Variants in NR5A2 observed in about 807,000 individuals in gnomAD.
NR5A2 encodes nuclear receptor subfamily 5 group A member 2, also known as CYP7A promoter-binding factor.
NR5A2 carries 26 observed loss-of-function variants against 62.7 expected under a neutral mutation model. That is an observed-to-expected ratio of 0.41 (90% CI 0.30 to 0.58). The LOEUF is 0.58. Among genes scored for constraint, NR5A2 ranks in the 20% least tolerant of loss-of-function variants. The pLI is 0.22. For missense variants in NR5A2, 541 were observed against 669.1 expected (o/e 0.81, Z 2.11); for synonymous variants, 246 against 241.7 (o/e 1.02, Z -0.16).
intron 5 of NR5A2, among the ~76,000 whole-genome samples, chr1:200,056,537 TAG>T (rs1345873027): frequency 6.6e-6 from 1 of 152,232 alleles, no homozygotes; most frequent in Non-Finnish European, 1.5e-5. Flanking sequence ...TTTTTGTCCT[TAG>T]AGTTTTTTTT....
At chr1:200,041,214 A>G (rs1156893958) in intron 2 of NR5A2, among the ~76,000 whole-genome samples, 4 of 150,926 alleles carry the variant, frequency 2.7e-5, no homozygotes, top group African/African-American at 9.9e-5. Context: ...GCGAGAAGCC[A>G]AAGACTTATT....
intron 7 of NR5A2, among the ~76,000 whole-genome samples, chr1:200,168,238 G>GTTTTGTTTGTT: frequency 6.7e-6 from 1 of 148,676 alleles, no homozygotes. Flanking sequence ...AAGAGACAGG[G>GTTTTGTTTGTT]TCTCACTCTG....
At chr1:200,164,348 T>A (rs755266071) in intron 7 of NR5A2, among the ~76,000 whole-genome samples, 35 of 152,200 alleles carry the variant, frequency 2.3e-4, no homozygotes, top group Non-Finnish European at 4.7e-4. Context: ...GCATCAGGAA[T>A]TCGTTCTTGG....
intron 5 of NR5A2, among the ~76,000 whole-genome samples, chr1:200,101,642 C>A (rs1373982434): frequency 6.6e-6 from 1 of 152,128 alleles, no homozygotes; most frequent in Non-Finnish European, 1.5e-5. Context: ...ATTCCATAAG[C>A]CACTTTCAAA....
intron 5 of NR5A2, among the ~76,000 whole-genome samples, chr1:200,065,194 T>G (rs1189003310): frequency 6.6e-6 from 1 of 152,188 alleles, no homozygotes; most frequent in African/African-American, 2.4e-5. Context: ...TCACACAGGC[T>G]GGAGTGCAGT....
At chr1:200,040,267 T>A (rs2102146987) in intron 2 of NR5A2, among the ~76,000 whole-genome samples, 1 of 152,224 alleles carries the variant, frequency 6.6e-6, no homozygotes, top group South Asian at 2.1e-4. Flanking sequence ...CTTAGCGCTA[T>A]TAGAATACAT....
chr1:200,091,758 C>T (rs1313772524), intron 5 of NR5A2, among the ~76,000 whole-genome samples: 2 of 152,192 alleles, frequency 1.3e-5, no homozygotes, highest in East Asian at 1.9e-4. Flanking sequence ...GCTGGGATTA[C>T]AGGCGTGAGC....
At chr1:200,172,081 T>A (rs1468265639) in intron 7 of NR5A2, among the ~76,000 whole-genome samples, 1 of 152,224 alleles carries the variant, frequency 6.6e-6, no homozygotes, top group Non-Finnish European at 1.5e-5. Flanking sequence ...TAGCTTTGCT[T>A]GCTGGTGAGA....
At chr1:200,082,213 T>C (rs1467439419) in intron 5 of NR5A2, among the ~76,000 whole-genome samples, 2 of 152,198 alleles carry the variant, frequency 1.3e-5, no homozygotes, top group East Asian at 3.8e-4. Context: ...TTTTCATTAC[T>C]CTAGAAAAAA....
At chr1:200,119,077 A>G (rs1160275419) in intron 6 of NR5A2, among the ~76,000 whole-genome samples, 3 of 152,242 alleles carry the variant, frequency 2.0e-5, no homozygotes, top group African/African-American at 7.2e-5. Flanking sequence ...TTGACTCTAT[A>G]TAAACTGATT....
chr1:200,070,748 C>A lies in NR5A2; in HGVS notation c.1110+21930C>A, dbSNP rs540493720. 2.4e-4 allele frequency among the ~76,000 whole-genome samples: 36 copies of A among 150,666 alleles called. No homozygotes were observed. The South Asian group carries it at 3.2e-3, about 13-fold the overall frequency. On this transcript the variant is annotated intron_variant, in intron 5 of 7. Transcript: ENST00000367362. ...TAATCAAAAATCTGTTCCAACCCCC[C>A]AGCCCCATCCCCCCCACCAAATATA...
intron 7 of NR5A2, among the ~76,000 whole-genome samples, chr1:200,168,017 C>G (rs1653986843): frequency 6.6e-6 from 1 of 151,986 alleles, no homozygotes; most frequent in Admixed American, 6.6e-5. Flanking sequence ...TCTCCAACAC[C>G]CAGACCAGAG....
Position 200,147,957 on chromosome 1 carries a change from T to C in NR5A2, c.1379-26006T>C. On this transcript the variant is annotated intron_variant, in intron 7 of 7. Transcript: ENST00000367362. This position sits in a 1 kb window ranked among gnomAD's most constrained non-coding sequence, Gnocchi z 4.9. ...CGCCGGTGTTGGTGTTGCCCTGTGG[T>C]AGGCGATGCATCGGGCGGCCGCCTT... is the stretch of plus-strand genomic sequence containing the variant. 3.0e-6 allele frequency: 1 copy of C among 329,886 alleles called. No homozygotes were observed. Among genetic ancestry groups the C allele is most frequent in the Non-Finnish European group, 5.7e-6 (1 of 176,136 alleles). The allele number at this position is 329,886 out of a possible 1,614,324, so 20.4% of individuals were successfully genotyped here.
intron 7 of NR5A2, among the ~76,000 whole-genome samples, chr1:200,133,990 A>G (rs1406580727): frequency 6.6e-6 from 1 of 152,064 alleles, no homozygotes; most frequent in South Asian, 2.1e-4. Flanking sequence ...ATCTTTAACA[A>G]AAAAAGTTTA....
At chr1:200,037,293 C>A (rs1204084276) in intron 1 of NR5A2, among the ~76,000 whole-genome samples, 1 of 152,172 alleles carries the variant, frequency 6.6e-6, no homozygotes, top group East Asian at 1.9e-4. Flanking sequence ...CAACTTCTTT[C>A]AACTCTCCTA....
chr1:200,150,396 T>G (rs931554859), intron 7 of NR5A2, among the ~76,000 whole-genome samples: 1 of 152,238 alleles, frequency 6.6e-6, no homozygotes, highest in East Asian at 1.9e-4. Flanking sequence ...ATCATCTATA[T>G]TTAATGCCTC....
intron 1 of NR5A2, among the ~76,000 whole-genome samples, chr1:200,036,427 A>G (rs1661782549): frequency 6.6e-6 from 1 of 152,174 alleles, no homozygotes; most frequent in African/African-American, 2.4e-5. Flanking sequence ...GTGAGTGCTC[A>G]GAGGGAGGAG....
At chr1:200,071,667 T>G (rs1386497319) in intron 5 of NR5A2, among the ~76,000 whole-genome samples, 1 of 152,222 alleles carries the variant, frequency 6.6e-6, no homozygotes, top group Non-Finnish European at 1.5e-5. Flanking sequence ...AATGCTCTAA[T>G]TAACTGCTAA....
At chr1:200,156,156 A>C (rs1653373577) in intron 7 of NR5A2, among the ~76,000 whole-genome samples, 1 of 152,148 alleles carries the variant, frequency 6.6e-6, no homozygotes, top group African/African-American at 2.4e-5. Context: ...CATCCTTAAC[A>C]CTTCAGTTTT....
Sources: allele counts gnomAD v4.1 joint callset (sites outside exome capture counted in the v4.1 genomes callset), GRCh38; gene constraint gnomAD v4.1.1; non-coding constraint Gnocchi (gnomAD v3.1); transcripts MANE v1.5; gene names NCBI Gene and HGNC (gene_info 2026-07-23, HGNC 2026-07-21).